TMEM44: variants seen among roughly 807,000 people sequenced by gnomAD.
The protein encoded by TMEM44 is transmembrane protein 44.
Under a neutral mutation model 47.8 loss-of-function variants are expected in TMEM44, and 43 were observed. The observed-to-expected ratio is 0.90, with a 90% CI of 0.70 to 1.16. The LOEUF (loss-of-function observed/expected upper bound fraction) is 1.16, where lower values mean the gene tolerates loss of function less well. TMEM44 is among the 50% of genes most tolerant of loss of function. TMEM44 has a pLI of 0.00. For missense variants in TMEM44, 568 were observed against 555.2 expected (o/e 1.02, Z -0.23); for synonymous variants, 277 against 238.8 (o/e 1.16, Z -1.48).
chr3:194,620,615 G>A (rs1003781022), intron 5 of TMEM44, among the ~76,000 whole-genome samples: 1 of 152,166 alleles, frequency 6.6e-6, no homozygotes, highest in African/African-American at 2.4e-5. Context: ...ATTTCAGGTT[G>A]TTACAAATGA....
chr3:194,607,928 TG>T (rs1250377632), intron 8 of TMEM44, among the ~76,000 whole-genome samples: 1 of 152,184 alleles, frequency 6.6e-6, no homozygotes, highest in African/African-American at 2.4e-5. Flanking sequence ...GACGCACTTG[TG>T]GGCTTCAGTG....
chr3:194,633,188 CGGGCGCG>C lies in TMEM44; in HGVS notation c.21_27del (p.Ala8ArgfsTer41). Reference sequence around the variant, plus strand: ...TCCAGGTAGTCCCAGTCCCAGAGCGCGGGCGCGGGGCTGGGCGCCTCCCCCATGGCGC... The same window carrying C: ...TCCAGGTAGTCCCAGTCCCAGAGCGCGGGCTGGGCGCCTCCCCCATGGCGC... On this transcript the variant is annotated frameshift_variant, in exon 1 of 10. Coordinates refer to ENST00000347147, the MANE Select transcript of TMEM44 (RefSeq NM_001011655.3). LOFTEE classifies it high-confidence loss of function. 2 of 1,529,708 alleles carry C rather than the reference CGGGCGCG, an allele frequency of 1.3e-6. No individual in the cohort carries two copies. The highest frequency in any genetic ancestry group is 1.8e-6 in the Non-Finnish European group (2 of 1,138,016). The allele number at this position is 1,529,708 out of a possible 1,614,324, so 94.8% of individuals were successfully genotyped here.
intron 5 of TMEM44, chr3:194,617,616 G>T (rs139067030): frequency 1.4e-6 from 1 of 702,598 alleles, no homozygotes; most frequent in East Asian, 2.7e-5. Context: ...AGCTCCTGAG[G>T]GCTGGGCAGG....
intron 9 of TMEM44, chr3:194,596,896 C>T (rs1713482171): frequency 6.6e-6 from 1 of 152,174 alleles, no homozygotes; most frequent in South Asian, 2.1e-4. Flanking sequence ...GGGCAGACAT[C>T]CAGGGGAATA....
At chr3:194,594,722 T>C (rs1245118511) in intron 9 of TMEM44, among the ~76,000 whole-genome samples, 1 of 150,510 alleles carries the variant, frequency 6.6e-6, no homozygotes, top group Non-Finnish European at 1.5e-5. Context: ...TAAAGGAGGG[T>C]TGAAAAAGTT....
intron 8 of TMEM44, among the ~76,000 whole-genome samples, chr3:194,605,944 C>T (rs1714732051): frequency 6.6e-6 from 1 of 152,070 alleles, no homozygotes; most frequent in Non-Finnish European, 1.5e-5. Flanking sequence ...GGTGGACTGG[C>T]AGAGAAAATC....
intron 9 of TMEM44, 127 bp from the exon 10 acceptor site, chr3:194,588,766 G>A (rs540631899): frequency 8.0e-5 from 73 of 906,866 alleles, no homozygotes; most frequent in African/African-American, 4.1e-4. Context: ...AAGGACAAAA[G>A]GGTAAGGACA....
intron 9 of TMEM44, among the ~76,000 whole-genome samples, chr3:194,591,018 AC>A (rs1477226084): frequency 1.3e-5 from 2 of 151,676 alleles, no homozygotes; most frequent in African/African-American, 4.9e-5. Context: ...ACATGGTGAA[AC>A]CCCGTCTCTA....
chr3:194,633,357 C>T lies in TMEM44; in HGVS notation c.-142G>A, dbSNP rs934589531. ...CGCCTCCGGCCGAGCGCACCGACCG[C>T]GGGCAGAGAAGGGCGCGCTCCCGGG... On this transcript the variant is annotated 5_prime_UTR_variant, in exon 1 of 10. Transcript: ENST00000347147. 2 of 306,140 alleles carry T rather than the reference C, an allele frequency of 6.5e-6. No homozygotes were observed. The highest frequency in any genetic ancestry group is 9.6e-6 in the Non-Finnish European group (2 of 207,324). The allele number at this position is 306,140 out of a possible 1,614,324, so 19.0% of individuals were successfully genotyped here.
In TMEM44 at chr3:194,611,102, C is replaced by T; in HGVS notation, c.913-82G>A. On this transcript the variant is annotated intron_variant, in intron 7 of 9. Transcript: ENST00000347147. This position sits in a 1 kb window ranked among gnomAD's most constrained non-coding sequence, Gnocchi z 4.2. ...TCTAAAAACAAGGTCACATTTTATT[C>T]AAAAGGACCCCCGTGGTATTTTCTC... 1 of 1,089,312 alleles carries T rather than the reference C, an allele frequency of 9.2e-7. No homozygotes were observed. Among genetic ancestry groups the T allele is most frequent in the East Asian group, 2.4e-5 (1 of 41,162 alleles). The allele number at this position is 1,089,312 out of a possible 1,614,324, so 67.5% of individuals were successfully genotyped here. A position where few individuals can be genotyped will look rare whatever the true frequency, so the allele number is the denominator to read the frequency against.
intron 6 of TMEM44, chr3:194,616,615 C>T (rs1309399721): frequency 4.4e-6 from 2 of 456,756 alleles, no homozygotes; most frequent in South Asian, 3.1e-5. Flanking sequence ...AGATTCCCCT[C>T]TTAGCGCCTG....
chr3:194,615,648 C>T lies in TMEM44; in HGVS notation c.833G>A (p.Gly278Glu). The T allele has an allele frequency of 6.2e-7, 1 of 1,614,128 alleles. No individual in the cohort carries two copies. Among genetic ancestry groups the T allele is most frequent in the African/African-American group, 1.3e-5 (1 of 75,024 alleles). Reference sequence around the variant, plus strand: ...GCTCTCTCTGGCTTCCTTGGCAAATCCTAAGGCCTGTCTCATCTTGCTCTT... The same window carrying T: ...GCTCTCTCTGGCTTCCTTGGCAAATTCTAAGGCCTGTCTCATCTTGCTCTT... ...VMKSKMRQAL[G>E]FAKEARESPD... The change falls in exon 7 of 10, where the codon GGA becomes GAA. Residue 278 changes from glycine (G) to glutamate (E), a missense_variant. Coordinates refer to ENST00000347147, the MANE Select transcript of TMEM44 (RefSeq NM_001011655.3).
At chr3:194,593,428 A>C (rs1713005560) in intron 9 of TMEM44, among the ~76,000 whole-genome samples, 1 of 152,182 alleles carries the variant, frequency 6.6e-6, no homozygotes, top group African/African-American at 2.4e-5. Context: ...CACATGGCTG[A>C]GATGATTCAA....
rs1345411151 is a variant in TMEM44 at position 194,617,216 on chromosome 3, G to A, written c.666C>T (p.Ala222=). The A allele has an allele frequency of 1.9e-6, 3 of 1,552,528 alleles. No homozygotes were observed. The highest frequency in any genetic ancestry group is 1.7e-6 in the Non-Finnish European group (2 of 1,147,852). Residue 222 remains alanine, a synonymous_variant, in exon 6 of 10, where the codon GCC becomes GCT. Coordinates refer to ENST00000347147, the MANE Select transcript of TMEM44 (RefSeq NM_001011655.3). The part of the protein sequence containing the change: ...SIHLWTRLLS[A]LAGLLYASAI... ...CCGAGGCATAGAGGAGGCCAGCCAGGGCCGACAGGAGCCGGGTCCACAGGT... is the reference window on the plus strand; with the variant it reads ...CCGAGGCATAGAGGAGGCCAGCCAGAGCCGACAGGAGCCGGGTCCACAGGT...
chr3:194,599,426 T>C (rs1338066101), intron 9 of TMEM44, among the ~76,000 whole-genome samples: 2 of 152,144 alleles, frequency 1.3e-5, no homozygotes, highest in African/African-American at 4.8e-5. Flanking sequence ...ACCAGGATCT[T>C]CAAGGAATAT....
rs61505265 is a variant in TMEM44, at chr3:194,619,450, A to G, written c.613-2181T>C. Among the ~76,000 whole-genome samples, 772 of 152,322 alleles carry G rather than the reference A, an allele frequency of 5.1e-3. 35 individuals carry two copies. The East Asian group carries it at 0.094, about 19-fold the overall frequency. On this transcript the variant is annotated intron_variant, in intron 5 of 9. Coordinates refer to ENST00000347147, the MANE Select transcript of TMEM44 (RefSeq NM_001011655.3). ...CCAGCCTGGGCTGCCTGGCACATCC[A>G]TGTAAGGGGCTGGAGGCAGGACAGG... is the stretch of plus-strand genomic sequence containing the variant.
chr3:194,621,521 C>G (rs1205210908), intron 5 of TMEM44, among the ~76,000 whole-genome samples: 4 of 152,098 alleles, frequency 2.6e-5, no homozygotes, highest in African/African-American at 9.7e-5. Context: ...CTGAGCTGAG[C>G]CCAGTGCTCA....
intron 9 of TMEM44, among the ~76,000 whole-genome samples, chr3:194,591,603 C>A (rs1239787489): frequency 6.6e-6 from 1 of 151,696 alleles, no homozygotes; most frequent in African/African-American, 2.4e-5. Flanking sequence ...TGTTTTAAAA[C>A]TTCATTATTT....
chr3:194,626,010 G>A lies in TMEM44; in HGVS notation c.265-20C>T, dbSNP rs1401356607. The A allele has an allele frequency of 6.3e-7, 1 of 1,578,054 alleles. No individual in the cohort carries two copies. The highest frequency in any genetic ancestry group is 8.7e-7 in the Non-Finnish European group (1 of 1,147,588). On this transcript the variant is annotated intron_variant, in intron 2 of 9. Coordinates refer to ENST00000347147, the MANE Select transcript of TMEM44 (RefSeq NM_001011655.3). Reference sequence around the variant, plus strand: ...GAAAACCTGGGAGCAAACGGGAAGAGAGTCTTGGCATTCAAGCATCTTTCC... The same window carrying A: ...GAAAACCTGGGAGCAAACGGGAAGAAAGTCTTGGCATTCAAGCATCTTTCC...
Sources: allele counts gnomAD v4.1 joint callset (sites outside exome capture counted in the v4.1 genomes callset), GRCh38; gene constraint gnomAD v4.1.1; non-coding constraint Gnocchi (gnomAD v3.1); transcripts MANE v1.5; gene names NCBI Gene and HGNC (gene_info 2026-07-23, HGNC 2026-07-21).